RAPGEF6: variants seen among roughly 807,000 people sequenced by gnomAD.
The protein encoded by RAPGEF6 is PDZ domain containing guanine nucleotide exchange factor (GEF) 2.
Under a neutral mutation model 171.4 loss-of-function variants are expected in RAPGEF6, and 56 were observed. The ratio of observed to expected loss-of-function variants is 0.33; its 90% CI spans 0.26 to 0.41. The LOEUF (loss-of-function observed/expected upper bound fraction) is 0.41. RAPGEF6 is among the 10% of genes least tolerant of loss of function. The probability of loss-of-function intolerance (pLI) is 1.00; values close to 1 mark genes in which losing one functional copy is unlikely to be tolerated. For missense variants in RAPGEF6, 1,674 were observed against 1,921.4 expected, an observed-to-expected ratio of 0.87 and a Z score of 2.41; for synonymous variants, 692 against 650.1, an observed-to-expected ratio of 1.06 and a Z score of -0.98.
intron 18 of RAPGEF6, chr5:131,463,693 TAAAGGA>T: frequency 2.2e-6 from 2 of 927,454 alleles, no homozygotes; most frequent in Non-Finnish European, 2.6e-6. Flanking sequence ...GCATATTCAT[TAAAGGA>T]AAACTACTTA....
intron 1 of RAPGEF6, among the ~76,000 whole-genome samples, chr5:131,622,300 T>C (rs1369727510): frequency 6.6e-6 from 1 of 152,224 alleles, no homozygotes; most frequent in Admixed American, 6.5e-5. Context: ...TTGAGGAATT[T>C]CCCTCAGAAT....
At chr5:131,605,543 A>T (rs1463157777) in intron 1 of RAPGEF6, among the ~76,000 whole-genome samples, 1 of 152,216 alleles carries the variant, frequency 6.6e-6, no homozygotes, top group Non-Finnish European at 1.5e-5. Context: ...AATTCGCTAT[A>T]AAAAACATAC....
At chr5:131,634,732 G>T (rs1481945254) in intron 1 of RAPGEF6, among the ~76,000 whole-genome samples, 2 of 152,132 alleles carry the variant, frequency 1.3e-5, no homozygotes, top group Non-Finnish European at 2.9e-5. Flanking sequence ...ACGACACTCA[G>T]AAGCCCCCGG....
chr5:131,536,884 T>A (rs1241629405), intron 6 of RAPGEF6, among the ~76,000 whole-genome samples: 3 of 152,204 alleles, frequency 2.0e-5, no homozygotes, highest in Non-Finnish European at 1.5e-5. Flanking sequence ...TGAACTCTCA[T>A]TTAAAACTAT....
intron 15 of RAPGEF6, among the ~76,000 whole-genome samples, chr5:131,487,935 AATAG>A: frequency 6.6e-6 from 1 of 152,204 alleles, no homozygotes; most frequent in East Asian, 1.9e-4. Context: ...TTTGTAATTT[AATAG>A]ATAAATTAAA....
In RAPGEF6 at chr5:131,548,330, CA is replaced by C. The variant is rs1255591099; in HGVS notation, c.352-141del. 9.3e-6 allele frequency: 7 copies of C among 753,332 alleles called. No homozygotes were observed. The African/African-American group carries it at 1.2e-4, about 13-fold the overall frequency. 46.7% of individuals were successfully genotyped at this position (753,332 alleles called of 1,614,324 possible). A position where few individuals can be genotyped will look rare whatever the true frequency, so the allele number is the denominator to read the frequency against. ...CCTCAAGAAAACAGTCTGTATAGCA[CA>C]ACGCTCATGAGTTAAAGATTAGAGG... is the stretch of plus-strand genomic sequence containing the variant. On this transcript the variant is annotated intron_variant, in intron 5 of 27. Transcript: ENST00000509018.
intron 4 of RAPGEF6, among the ~76,000 whole-genome samples, chr5:131,587,715 G>C (rs991370944): frequency 6.6e-6 from 1 of 152,092 alleles, no homozygotes; most frequent in African/African-American, 2.4e-5. Flanking sequence ...CTCCCTCAAA[G>C]TGAGTAACAG....
In RAPGEF6 at chr5:131,562,065, C is replaced by T. The variant is rs746198925; in HGVS notation, c.282-18G>A. ...TACCAAAACTATAAAAACAGAAAAA[C>T]AATTTCTTTAGCAAAGGTTATTAAT... is the stretch of plus-strand genomic sequence containing the variant. On this transcript the variant is annotated intron_variant, in intron 4 of 27. Transcript: ENST00000509018. The T allele has an allele frequency of 2.1e-5, 31 of 1,505,744 alleles. 1 individual carries two copies. In the South Asian group the frequency reaches 3.4e-4, roughly 17 times the overall value. 93.3% of individuals were successfully genotyped at this position (1,505,744 alleles called of 1,614,324 possible). A position where few individuals can be genotyped will look rare whatever the true frequency, so the allele number is the denominator to read the frequency against.
intron 5 of RAPGEF6, among the ~76,000 whole-genome samples, chr5:131,554,747 T>A (rs927577002): frequency 6.6e-6 from 1 of 151,950 alleles, no homozygotes; most frequent in Non-Finnish European, 1.5e-5. Flanking sequence ...GCACTCCTGA[T>A]CTCAGGTGAT....
At chr5:131,488,817 A>C (rs531544640) in intron 15 of RAPGEF6, among the ~76,000 whole-genome samples, 128 of 152,340 alleles carry the variant, frequency 8.4e-4, no homozygotes, top group African/African-American at 2.9e-3. Flanking sequence ...AAGGACTCTT[A>C]AAGTTTCTTT....
intron 22 of RAPGEF6, among the ~76,000 whole-genome samples, chr5:131,445,424 C>A (rs999174323): frequency 6.6e-6 from 1 of 151,882 alleles, no homozygotes; most frequent in Non-Finnish European, 1.5e-5. Context: ...ATGACTACTA[C>A]CCCTTGTCAA....
intron 9 of RAPGEF6, among the ~76,000 whole-genome samples, chr5:131,506,315 T>G (rs1757369676): frequency 6.6e-6 from 1 of 152,158 alleles, no homozygotes. Flanking sequence ...CAATTTATTT[T>G]TTAATAGAGA....
At chr5:131,592,615 C>A in intron 3 of RAPGEF6, 149 bp from the exon 4 acceptor site, 1 of 1,387,072 alleles carries the variant, frequency 7.2e-7, no homozygotes, top group Non-Finnish European at 9.5e-7. Flanking sequence ...TGCCTGTTGC[C>A]TAAGGTTTTA....
At chr5:131,450,607 T>C (rs542825371) in intron 21 of RAPGEF6, among the ~76,000 whole-genome samples, 1 of 152,328 alleles carries the variant, frequency 6.6e-6, no homozygotes, top group East Asian at 1.9e-4. Flanking sequence ...CATAATACTA[T>C]ATATCTTTAC....
intron 1 of RAPGEF6, among the ~76,000 whole-genome samples, chr5:131,631,217 G>A (rs1264619500): frequency 3.3e-5 from 5 of 152,182 alleles, no homozygotes; most frequent in Non-Finnish European, 7.3e-5. Context: ...AGGCTTCTTA[G>A]TAATACAAAT....
intron 5 of RAPGEF6, among the ~76,000 whole-genome samples, chr5:131,553,592 C>T (rs1354532825): frequency 6.6e-6 from 1 of 151,548 alleles, no homozygotes; most frequent in Non-Finnish European, 1.5e-5. Flanking sequence ...ATAATTTTAG[C>T]AGACAAAATA....
chr5:131,594,812 A>C (rs1030330909), intron 3 of RAPGEF6, among the ~76,000 whole-genome samples: 1 of 152,178 alleles, frequency 6.6e-6, no homozygotes, highest in African/African-American at 2.4e-5. Flanking sequence ...TGGGTTTCGG[A>C]CTAGCATGGG....
At chr5:131,433,334 T>C in intron 25 of RAPGEF6, 96 bp downstream of exon 25, 1 of 981,880 alleles carries the variant, frequency 1.0e-6, no homozygotes, top group Non-Finnish European at 1.6e-6. Flanking sequence ...ACTCTGCAAT[T>C]ACCCCATGGG....
At chr5:131,626,404 A>G (rs902780573) in intron 1 of RAPGEF6, among the ~76,000 whole-genome samples, 1 of 151,972 alleles carries the variant, frequency 6.6e-6, no homozygotes, top group African/African-American at 2.4e-5. Context: ...ATCACTTCCA[A>G]CGGGAATGCC....
Sources: allele counts gnomAD v4.1 joint callset (sites outside exome capture counted in the v4.1 genomes callset), GRCh38; gene constraint gnomAD v4.1.1; transcripts MANE v1.5; gene names NCBI Gene and HGNC (gene_info 2026-07-23, HGNC 2026-07-21).